PPP1R9A: variants seen among roughly 807,000 people sequenced by gnomAD.
The protein encoded by PPP1R9A is protein phosphatase 1 regulatory subunit 9A, also known as neurabin-1.
Under a neutral mutation model 141.9 loss-of-function variants are expected in PPP1R9A, and 59 were observed. The ratio of observed to expected loss-of-function variants is 0.42; its 90% CI spans 0.34 to 0.52. The LOEUF (loss-of-function observed/expected upper bound fraction) is 0.52. Ranked by LOEUF, PPP1R9A falls within the 20% of genes least tolerant of loss-of-function variation. PPP1R9A has a pLI of 0.10. For missense variants in PPP1R9A, 1,444 were observed against 1,611.9 expected (o/e 0.90, Z 1.78); for synonymous variants, 500 against 569.7 (o/e 0.88, Z 1.74).
chr7:95,256,327 A>C (rs1267502077), intron 12 of PPP1R9A, among the ~76,000 whole-genome samples: 7 of 152,176 alleles, frequency 4.6e-5, no homozygotes, highest in Non-Finnish European at 1.5e-5. Context: ...AACATTAGAA[A>C]ACCTACTCAT....
chr7:95,008,832 C>T (rs1034540496), intron 2 of PPP1R9A, among the ~76,000 whole-genome samples: 17 of 152,084 alleles, frequency 1.1e-4, no homozygotes, highest in African/African-American at 3.9e-4. Context: ...AATCATGCTA[C>T]TATAAAGACA....
At chr7:95,175,423 T>C (rs1435693560) in intron 5 of PPP1R9A, among the ~76,000 whole-genome samples, 1 of 152,014 alleles carries the variant, frequency 6.6e-6, no homozygotes, top group East Asian at 1.9e-4. Context: ...TTAGGAAAGA[T>C]TGACCAGGAT....
At chr7:95,275,175 A>C (rs1802926103) in intron 16 of PPP1R9A, among the ~76,000 whole-genome samples, 1 of 152,202 alleles carries the variant, frequency 6.6e-6, no homozygotes, top group Non-Finnish European at 1.5e-5. Context: ...TGGGAGGCCA[A>C]GGCGGGTGGA....
At chr7:94,977,849 G>C (rs996510283) in intron 2 of PPP1R9A, among the ~76,000 whole-genome samples, 7 of 149,016 alleles carry the variant, frequency 4.7e-5, no homozygotes, top group Admixed American at 2.0e-4. Flanking sequence ...TGCAACCACT[G>C]CCTCCCAGGT....
At chr7:94,940,352 T>C (rs894205121) in intron 2 of PPP1R9A, among the ~76,000 whole-genome samples, 1 of 151,708 alleles carries the variant, frequency 6.6e-6, no homozygotes, top group African/African-American at 2.4e-5. Flanking sequence ...TTTCTTTTTC[T>C]TTTAATTTTT....
At chr7:95,173,114 G>C (rs1460751312) in intron 5 of PPP1R9A, among the ~76,000 whole-genome samples, 1 of 151,808 alleles carries the variant, frequency 6.6e-6, no homozygotes, top group Non-Finnish European at 1.5e-5. Flanking sequence ...AGAACACTAA[G>C]ATTTCTAGAA....
intron 4 of PPP1R9A, among the ~76,000 whole-genome samples, chr7:95,157,774 A>G (rs1421592604): frequency 6.6e-6 from 1 of 152,214 alleles, no homozygotes; most frequent in Non-Finnish European, 1.5e-5. Flanking sequence ...CAAGCTTTGA[A>G]TAACTTTTCT....
At chr7:95,161,560 T>A (rs1830467617) in intron 4 of PPP1R9A, among the ~76,000 whole-genome samples, 2 of 152,182 alleles carry the variant, frequency 1.3e-5, no homozygotes, top group Non-Finnish European at 2.9e-5. Context: ...GTTTAAATCG[T>A]CTCTGGATTA....
intron 2 of PPP1R9A, among the ~76,000 whole-genome samples, chr7:95,073,228 C>T (rs543264023): frequency 5.8e-4 from 88 of 151,846 alleles, no homozygotes; most frequent in African/African-American, 2.1e-3. Flanking sequence ...GCAGGTGATC[C>T]ACCTGCCTCG....
chr7:95,129,270 G>T (rs2152518067), intron 4 of PPP1R9A, among the ~76,000 whole-genome samples: 1 of 152,222 alleles, frequency 6.6e-6, no homozygotes. Flanking sequence ...AATTTTGGGG[G>T]TGGAGGCATT....
chr7:94,913,001 A>G (rs1214708027), intron 2 of PPP1R9A, among the ~76,000 whole-genome samples: 1 of 152,126 alleles, frequency 6.6e-6, no homozygotes, highest in Non-Finnish European at 1.5e-5. Context: ...TCCCCCTTGA[A>G]CATCATCTTT....
chr7:95,284,340 CT>C lies in PPP1R9A; in HGVS notation c.3609+11del, dbSNP rs1804875262. 1 of 1,436,384 alleles carries C rather than the reference CT, an allele frequency of 7.0e-7. No individual in the cohort carries two copies. The allele number at this position is 1,436,384 out of a possible 1,614,324, so 89.0% of individuals were successfully genotyped here. On this transcript the variant is annotated intron_variant, in intron 17 of 19. Coordinates refer to ENST00000433360, the MANE Select transcript of PPP1R9A (RefSeq NM_001166160.2). ...GATCCAAGAAACCAATGTAATAACACTGCAATAAACAATGCATGGTATTTCT... is the reference window on the plus strand; with the variant it reads ...GATCCAAGAAACCAATGTAATAACACGCAATAAACAATGCATGGTATTTCT...
In PPP1R9A at chr7:95,058,729, G is replaced by A. The variant is rs572710736; in HGVS notation, c.1396-52530G>A. 3.3e-5 allele frequency among the ~76,000 whole-genome samples: 5 copies of A among 152,172 alleles called. No individual in the cohort carries two copies. In the South Asian group the frequency reaches 1.0e-3, roughly 32 times the overall value. On this transcript the variant is annotated intron_variant, in intron 2 of 19. Transcript: ENST00000433360. ...GAAAAGGGATGGGAGTGGGATCGGG[G>A]GTGGAGCGGGGTGGAGTAGGGAGAA...
At chr7:95,268,769 T>A (rs759481313) in intron 13 of PPP1R9A, 62 bp downstream of exon 13, 19 of 1,551,032 alleles carry the variant, frequency 1.2e-5, no homozygotes, top group Non-Finnish European at 1.6e-5. Flanking sequence ...TCCTACAGCT[T>A]ATTGAAGATT....
intron 12 of PPP1R9A, among the ~76,000 whole-genome samples, chr7:95,258,288 T>C (rs985088786): frequency 6.6e-6 from 1 of 152,230 alleles, no homozygotes; most frequent in South Asian, 2.1e-4. Context: ...CATTTTTTCA[T>C]GTGTCTTTTG....
chr7:95,212,909 A>G (rs1792434691), intron 7 of PPP1R9A, among the ~76,000 whole-genome samples: 1 of 152,148 alleles, frequency 6.6e-6, no homozygotes, highest in East Asian at 1.9e-4. Flanking sequence ...GCCGAAAGTT[A>G]GACTAATTCT....
chr7:95,059,078 C>A (rs539311179), intron 2 of PPP1R9A, among the ~76,000 whole-genome samples: 17 of 152,176 alleles, frequency 1.1e-4, no homozygotes, highest in Non-Finnish European at 2.1e-4. Context: ...GCATGAGCCA[C>A]CACACCCAGA....
At chr7:94,962,481 GAC>G (rs1427997670) in intron 2 of PPP1R9A, among the ~76,000 whole-genome samples, 3 of 151,828 alleles carry the variant, frequency 2.0e-5, no homozygotes, top group Non-Finnish European at 2.9e-5. Context: ...GTGAATGTAT[GAC>G]ATATGACTCT....
chr7:94,973,956 A>G (rs749308560), intron 2 of PPP1R9A, among the ~76,000 whole-genome samples: 26 of 152,160 alleles, frequency 1.7e-4, no homozygotes, highest in Admixed American at 4.6e-4. Context: ...AGCTCAAGCA[A>G]TCCTTCCACT....
Sources: gnomAD v4.1 joint callset for allele counts (sites outside exome capture counted in the v4.1 genomes callset) on GRCh38, gnomAD v4.1.1 for gene constraint, MANE v1.5 for transcripts, NCBI Gene and HGNC (gene_info 2026-07-23, HGNC 2026-07-21) for gene names.